NBPF3: variants seen among roughly 807,000 people sequenced by gnomAD.
NBPF3 encodes the protein NBPF member 3.
In NBPF3, 57 loss-of-function variants were observed where a neutral mutation model predicts 78.1. The ratio of observed to expected loss-of-function variants is 0.73; its 90% confidence interval spans 0.59 to 0.91. The LOEUF (loss-of-function observed/expected upper bound fraction) is 0.91, where lower values mean the gene tolerates loss of function less well. NBPF3 is among the 40% of genes least tolerant of loss of function. The probability of loss-of-function intolerance (pLI) is 0.00; values close to 1 mark genes in which losing one functional copy is unlikely to be tolerated. For synonymous variants in NBPF3, 182 were observed against 271.7 expected, an observed-to-expected ratio of 0.67 and a Z score of 3.25; for missense variants, 510 against 715.3, an observed-to-expected ratio of 0.71 and a Z score of 3.27.
intron 2 of NBPF3, among the ~76,000 whole-genome samples, chr1:21,445,423 G>T (rs1332922518): frequency 2.6e-5 from 4 of 152,206 alleles, no homozygotes. Context: ...CCGTGGTCAG[G>T]TGGAAGTGAT....
intron 12 of NBPF3, 125 bp downstream of exon 12, chr1:21,481,106 T>G: frequency 1.2e-6 from 1 of 841,854 alleles, no homozygotes. Context: ...TTATTCCTAC[T>G]CACATTGCTA....
intron 2 of NBPF3, among the ~76,000 whole-genome samples, chr1:21,455,522 C>T (rs545911662): frequency 9.8e-5 from 15 of 152,322 alleles, no homozygotes; most frequent in African/African-American, 3.1e-4. Flanking sequence ...CAGCAGTGTA[C>T]GACAGGCAGT....
chr1:21,437,386 T>C (rs1041176037), upstream of NBPF3: 17 of 826,744 alleles, frequency 2.1e-5, 1 homozygote, highest in African/African-American at 2.1e-4. Context: ...TGAGAGCACA[T>C]TGGGGAGTGG....
chr1:21,468,473 C>A, intron 2 of NBPF3: 2 of 1,430,462 alleles, frequency 1.4e-6, no homozygotes, highest in South Asian at 3.0e-5. Flanking sequence ...TCACTCTTGT[C>A]GGAGACTGAG....
rs1273476311 is a variant in NBPF3 at position 21,468,555 on chromosome 1, G to A, written c.134-133G>A. ...TTTTTGTCGTTAAGGATCCTAAAGT[G>A]CTGCGGGGACTGATCACATTTTTCT... On this transcript the variant is annotated intron_variant, in intron 2 of 14. Coordinates refer to ENST00000318249, the MANE Select transcript of NBPF3 (RefSeq NM_032264.6). 3.9e-5 allele frequency: 61 copies of A among 1,549,536 alleles called. No individual in the cohort carries two copies. In the South Asian group the frequency reaches 6.8e-4, roughly 17 times the overall value.
At chr1:21,472,425 C>T (rs950500869) in intron 5 of NBPF3, among the ~76,000 whole-genome samples, 54 of 152,218 alleles carry the variant, frequency 3.5e-4, no homozygotes, top group Admixed American at 1.5e-3. Context: ...AGGGCCTGTG[C>T]AGTCTCCTGA....
upstream of NBPF3, among the ~76,000 whole-genome samples, chr1:21,439,939 C>G (rs1404115270): frequency 6.6e-6 from 1 of 152,148 alleles, no homozygotes; most frequent in Non-Finnish European, 1.5e-5. Flanking sequence ...GATTCCCCGT[C>G]CCAGCTGCAC....
intron 11 of NBPF3, 85 bp downstream of exon 11, chr1:21,480,308 A>G: frequency 1.4e-6 from 1 of 694,188 alleles, no homozygotes; most frequent in South Asian, 1.6e-5. Context: ...GCCCTTATTG[A>G]CCCGAGAGAT....
chr1:21,473,670 G>A, intron 7 of NBPF3, 85 bp downstream of exon 7: 1 of 1,192,692 alleles, frequency 8.4e-7, no homozygotes, highest in Non-Finnish European at 1.2e-6. Context: ...ACACAGATTG[G>A]TTTTAATAAA....
intron 2 of NBPF3, among the ~76,000 whole-genome samples, chr1:21,448,912 G>C (rs140465780): frequency 6.6e-6 from 1 of 152,330 alleles, no homozygotes; most frequent in African/African-American, 2.4e-5. Context: ...GTGAGGACAA[G>C]TGATGACTGC....
chr1:21,476,190 G>T lies in NBPF3; in HGVS notation c.992+1239G>T, dbSNP rs1217277899. ...TCTCTGCACGTGAGATGGGTCTCCT[G>T]CGTACAGCACACTGATGGGTCTTGA... On this transcript the variant is annotated intron_variant, in intron 8 of 14. Transcript: ENST00000318249. The surrounding 1 kb of genome is among the most constrained non-coding windows in gnomAD (Gnocchi z 4.1). Among the ~76,000 whole-genome samples, 1 of 152,088 alleles carries T rather than the reference G, an allele frequency of 6.6e-6. No homozygotes were observed. Among genetic ancestry groups the T allele is most frequent in the Non-Finnish European group, 1.5e-5 (1 of 68,010 alleles).
intron 2 of NBPF3, among the ~76,000 whole-genome samples, chr1:21,448,993 A>T (rs1303176979): frequency 2.0e-5 from 3 of 152,176 alleles, no homozygotes; most frequent in Non-Finnish European, 4.4e-5. Context: ...AAAGTCAGCC[A>T]TTGTCCACGT....
chr1:21,447,420 C>G (rs912122197), intron 2 of NBPF3, among the ~76,000 whole-genome samples: 6 of 152,174 alleles, frequency 3.9e-5, no homozygotes, highest in African/African-American at 1.4e-4. Flanking sequence ...TTCATGCGTC[C>G]TCCTCTCCTC....
intron 8 of NBPF3, 96 bp downstream of exon 8, chr1:21,475,047 TC>T: frequency 9.5e-7 from 1 of 1,055,140 alleles, no homozygotes; most frequent in Non-Finnish European, 1.4e-6. Context: ...AACTTTTTAT[TC>T]CATTCACCCA....
upstream of NBPF3, among the ~76,000 whole-genome samples, chr1:21,438,545 G>A (rs1640477248): frequency 6.6e-6 from 1 of 152,176 alleles, no homozygotes; most frequent in Non-Finnish European, 1.5e-5. Context: ...ATAGCACTTA[G>A]AACAGAACAG....
At chr1:21,465,119 G>T (rs1642187311) in intron 2 of NBPF3, among the ~76,000 whole-genome samples, 2 of 151,386 alleles carry the variant, frequency 1.3e-5, no homozygotes, top group Non-Finnish European at 2.9e-5. Context: ...AATTCCAGAA[G>T]ATTTCCTTTT....
intron 3 of NBPF3, 77 bp downstream of exon 3, chr1:21,468,974 CCAT>C: frequency 8.5e-7 from 1 of 1,172,032 alleles, no homozygotes; most frequent in South Asian, 1.4e-5. Flanking sequence ...AATGCTCTCT[CCAT>C]CAAAAATAAG....
At chr1:21,447,237 A>G (rs1000711571) in intron 2 of NBPF3, among the ~76,000 whole-genome samples, 8 of 152,224 alleles carry the variant, frequency 5.3e-5, no homozygotes, top group Non-Finnish European at 1.0e-4. Context: ...ATTGGTTACA[A>G]TTGATGAACC....
Position 21,470,490 on chromosome 1 carries a change from T to G in NBPF3, c.344-142T>G, listed in dbSNP as rs1642525076. ...GCCAGTAAGTCGGGAGACTGAAGAG[T>G]AAAGATGTGGAAATCCCTACGTAGA... On this transcript the variant is annotated intron_variant, in intron 3 of 14. Coordinates refer to ENST00000318249, the MANE Select transcript of NBPF3 (RefSeq NM_032264.6). 9 of 557,944 alleles carry G rather than the reference T, an allele frequency of 1.6e-5. No individual in the cohort carries two copies. In the Middle Eastern group the frequency reaches 2.1e-3, roughly 131 times the overall value. 34.6% of individuals were successfully genotyped at this position (557,944 alleles called of 1,614,324 possible).
Sources: gnomAD v4.1 joint callset for allele counts (sites outside exome capture counted in the v4.1 genomes callset) on GRCh38, gnomAD v4.1.1 for gene constraint, Gnocchi (gnomAD v3.1) non-coding constraint, MANE v1.5 for transcripts, NCBI Gene and HGNC (gene_info 2026-07-23, HGNC 2026-07-21) for gene names.